The following ALKBH3 variants were observed in gnomAD, a reference collection of about 807,000 sequenced individuals.
ALKBH3 encodes alpha-ketoglutarate-dependent dioxygenase alkB homolog 3.
A neutral mutation model predicts 43.9 loss-of-function variants in ALKBH3; 51 were observed. The ratio of observed to expected loss-of-function variants is 1.16; its 90% CI spans 0.93 to 1.47. The LOEUF is 1.47. Among genes scored for constraint, ALKBH3 ranks in the 40% most tolerant of loss-of-function variants. The pLI, the probability that ALKBH3 is intolerant of heterozygous loss-of-function variation, is 0.00. For missense variants in ALKBH3, 361 were observed against 351.9 expected, an observed-to-expected ratio of 1.03 and a Z score of -0.21; for synonymous variants, 102 against 115.2, an observed-to-expected ratio of 0.89 and a Z score of 0.73.
intron 7 of ALKBH3, among the ~76,000 whole-genome samples, chr11:43,896,942 A>AT (rs888686091): frequency 3.8e-4 from 57 of 148,644 alleles, no homozygotes; most frequent in African/African-American, 5.9e-4. Context: ...TATTTAAAGC[A>AT]TTTTTTTTTT....
chr11:43,883,199 G>C lies in ALKBH3; in HGVS notation c.183+11G>C. 8 of 1,603,838 alleles carry C rather than the reference G, an allele frequency of 5.0e-6. No homozygotes were observed. The highest frequency in any genetic ancestry group is 6.8e-6 in the Non-Finnish European group (8 of 1,173,400). ...AAAGAACCTCAGCAGGTAAATTCAT[G>C]GTTTTTTCTTCAATAGTGATAAAAA... On this transcript the variant is annotated intron_variant, in intron 3 of 9. Transcript: ENST00000302708.
chr11:43,919,948 G>T lies in ALKBH3; in HGVS notation c.799G>T (p.Glu267Ter). The change falls in exon 10 of 10, where the codon GAA becomes TAA. Residue 267 changes from glutamate (E) to a stop codon, truncating the protein, a stop_gained. Transcript: ENST00000302708. LOFTEE classifies it high-confidence loss of function. ...AGTGCCCAAAGAATACCACTCTAGA[G>T]AACCGAGAGTGAACCTGACCTTTCG... ...HRVPKEYHSR[E>*]PRVNLTFRTV... The T allele has an allele frequency of 1.2e-6, 2 of 1,614,156 alleles. No individual in the cohort carries two copies. The highest frequency in any genetic ancestry group is 8.5e-7 in the Non-Finnish European group (1 of 1,180,000).
At chr11:43,902,486 A>G (rs1951870073) in intron 8 of ALKBH3, among the ~76,000 whole-genome samples, 1 of 152,206 alleles carries the variant, frequency 6.6e-6, no homozygotes, top group Admixed American at 6.5e-5. Context: ...AGAGCCAATT[A>G]TTTTATTTTC....
intron 7 of ALKBH3, chr11:43,899,229 A>G: frequency 6.7e-6 from 5 of 745,702 alleles, no homozygotes; most frequent in Non-Finnish European, 1.3e-5. Flanking sequence ...TGGGGCCGTG[A>G]CTACAGCATG....
At chr11:43,884,644 G>A (rs1590365178) in intron 4 of ALKBH3, among the ~76,000 whole-genome samples, 1 of 152,162 alleles carries the variant, frequency 6.6e-6, no homozygotes, top group Admixed American at 6.5e-5. Flanking sequence ...ATTAGCATCA[G>A]ATATATGTTC....
chr11:43,883,000 A>G, intron 2 of ALKBH3, 85 bp from the exon 3 acceptor site: 1 of 1,076,256 alleles, frequency 9.3e-7, no homozygotes, highest in Middle Eastern at 2.0e-4. Flanking sequence ...ATCATCTCCA[A>G]GTGGGCTTTA....
intron 7 of ALKBH3, chr11:43,899,168 C>A: frequency 2.6e-6 from 2 of 783,224 alleles, no homozygotes; most frequent in Non-Finnish European, 4.6e-6. Flanking sequence ...CCCTAGGGGC[C>A]CCACCTCTCC....
At chr11:43,895,864 A>G (rs887652630) in intron 7 of ALKBH3, among the ~76,000 whole-genome samples, 1 of 152,206 alleles carries the variant, frequency 6.6e-6, no homozygotes, top group Non-Finnish European at 1.5e-5. Flanking sequence ...TCATTTAAGA[A>G]TGTCTATTGA....
At chr11:43,895,539 A>AT (rs1429940961) in intron 7 of ALKBH3, among the ~76,000 whole-genome samples, 3 of 152,216 alleles carry the variant, frequency 2.0e-5, no homozygotes, top group Non-Finnish European at 2.9e-5. Flanking sequence ...GTATGTCTTT[A>AT]TTAGCAGCAT....
chr11:43,904,852 G>A, intron 8 of ALKBH3, among the ~76,000 whole-genome samples: 1 of 152,136 alleles, frequency 6.6e-6, no homozygotes, highest in South Asian at 2.1e-4. Flanking sequence ...AGTCTTCTGT[G>A]TGGGATTTGT....
At position 43,911,836 on chromosome 11, in the gene ALKBH3, G is replaced by A. The variant is rs1951941155; in HGVS notation, c.670-7202G>A. 2.6e-5 allele frequency among the ~76,000 whole-genome samples: 4 copies of A among 152,092 alleles called. No individual in the cohort carries two copies. The South Asian group carries it at 8.3e-4, about 32-fold the overall frequency. On this transcript the variant is annotated intron_variant, in intron 8 of 9. Coordinates refer to ENST00000302708, the MANE Select transcript of ALKBH3 (RefSeq NM_139178.4). The stretch of plus-strand genomic sequence containing the variant: ...CATTCAGAGAAAGAGAATAAAAAAG[G>A]GAGCGGCCAGGCGCCGTGGCTCATG...
intron 4 of ALKBH3, among the ~76,000 whole-genome samples, chr11:43,884,830 T>G (rs899519622): frequency 6.6e-6 from 1 of 152,148 alleles, no homozygotes; most frequent in Non-Finnish European, 1.5e-5. Flanking sequence ...AAACTCACTG[T>G]AGCCTCCATC....
At chr11:43,913,613 G>A (rs950196008) in intron 8 of ALKBH3, among the ~76,000 whole-genome samples, 2 of 152,232 alleles carry the variant, frequency 1.3e-5, no homozygotes, top group Admixed American at 6.5e-5. Context: ...AGTAAAGGAA[G>A]ATGATATTTG....
At chr11:43,918,263 C>T (rs1281936800) in intron 8 of ALKBH3, among the ~76,000 whole-genome samples, 1 of 152,228 alleles carries the variant, frequency 6.6e-6, no homozygotes, top group Non-Finnish European at 1.5e-5. Flanking sequence ...AATTGCTTTG[C>T]AGCTTATGCT....
rs539446479 is a variant in ALKBH3, at chr11:43,892,923, C to T, written c.459+794C>T. On this transcript the variant is annotated intron_variant, in intron 7 of 9. Coordinates refer to ENST00000302708, the MANE Select transcript of ALKBH3 (RefSeq NM_139178.4). ...TGACTGAGGGAACATGGCCTTTTCA[C>T]GTAAGGAGATAGCTGCATGCTTTGG... is the stretch of plus-strand genomic sequence containing the variant. 6.6e-5 allele frequency among the ~76,000 whole-genome samples: 10 copies of T among 152,314 alleles called. No individual in the cohort carries two copies. The South Asian group carries it at 8.3e-4, about 13-fold the overall frequency.
chr11:43,914,315 A>G (rs1373814637), intron 8 of ALKBH3, among the ~76,000 whole-genome samples: 2 of 152,180 alleles, frequency 1.3e-5, no homozygotes, highest in Non-Finnish European at 2.9e-5. Flanking sequence ...AAAATGGATA[A>G]TATCACCTTC....
In ALKBH3 at chr11:43,883,206, T is replaced by TC; in HGVS notation, c.183+19dup. ...CTCAGCAGGTAAATTCATGGTTTTT[T>TC]CTTCAATAGTGATAAAAATTTGCTT... is the stretch of plus-strand genomic sequence containing the variant. On this transcript the variant is annotated intron_variant, in intron 3 of 9. Transcript: ENST00000302708. The TC allele has an allele frequency of 6.3e-7, 1 of 1,588,354 alleles. No homozygotes were observed. Among genetic ancestry groups the TC allele is most frequent in the Non-Finnish European group, 8.6e-7 (1 of 1,161,756 alleles).
chr11:43,898,296 T>A (rs1951834546), intron 7 of ALKBH3: 1 of 731,660 alleles, frequency 1.4e-6, no homozygotes, highest in South Asian at 1.6e-5. Flanking sequence ...CATGGGATTT[T>A]AATATTGACA....
chr11:43,901,054 C>T (rs571539712), intron 7 of ALKBH3, among the ~76,000 whole-genome samples: 40 of 152,292 alleles, frequency 2.6e-4, no homozygotes, highest in Non-Finnish European at 1.0e-4. Context: ...AGGAATAGAA[C>T]GAACAGAGGG....
Sources: gnomAD v4.1 joint callset for allele counts (sites outside exome capture counted in the v4.1 genomes callset) on GRCh38, gnomAD v4.1.1 for gene constraint, MANE v1.5 for transcripts, NCBI Gene and HGNC (gene_info 2026-07-23, HGNC 2026-07-21) for gene names.